Variants in HAP1 observed in about 807,000 individuals in gnomAD.
HAP1 encodes huntingtin-associated protein 1.
Under a neutral mutation model 60.3 loss-of-function variants are expected in HAP1, and 59 were observed. That is an observed-to-expected ratio of 0.98 (90% confidence interval 0.79 to 1.22). The LOEUF (loss-of-function observed/expected upper bound fraction) is 1.22. Among genes scored for constraint, HAP1 ranks in the 50% most tolerant of loss-of-function variants. The probability of loss-of-function intolerance (pLI) is 0.00; values close to 1 mark genes in which losing one functional copy is unlikely to be tolerated. For missense variants in HAP1, 825 were observed against 785.3 expected, an observed-to-expected ratio of 1.05 and a Z score of -0.60; for synonymous variants, 346 against 330.6, an observed-to-expected ratio of 1.05 and a Z score of -0.50.
downstream of HAP1, chr17:41,721,000 C>T (rs1911177977): frequency 1.3e-5 from 2 of 151,892 alleles, no homozygotes; most frequent in South Asian, 4.2e-4. Context: ...GGGGTTTCTC[C>T]ATTGGTCAGG....
At chr17:41,734,123 C>T (rs1365421049) in intron 1 of HAP1, 43 bp downstream of exon 1, 10 of 1,490,100 alleles carry the variant, frequency 6.7e-6, no homozygotes, top group Non-Finnish European at 9.1e-6. Flanking sequence ...CCTGGAGTTG[C>T]CCCAGTCCCC....
intron 6 of HAP1, chr17:41,730,058 A>AGAGAGAG (rs1567783380): frequency 5.7e-5 from 1 of 17,548 alleles, no homozygotes; most frequent in Admixed American, 5.4e-4. Flanking sequence ...AGAGAGAAGG[A>AGAGAGAG]AGAAAAGAAA....
Position 41,723,424 on chromosome 17 carries a change from C to T in HAP1, c.*1277G>A, listed in dbSNP as rs534166708. ...GTGGGCTGGTGACAGACACAGGGTC[C>T]CATTTCAGAGGATGGGAAGGAGGGT... On this transcript the variant is annotated 3_prime_UTR_variant, in exon 11 of 11. Transcript: ENST00000347901. The T allele has an allele frequency of 1.3e-5, 2 of 152,820 alleles. No homozygotes were observed. The highest frequency in any genetic ancestry group is 4.8e-5 in the African/African-American group (2 of 41,554). 9.5% of individuals were successfully genotyped at this position (152,820 alleles called of 1,614,324 possible).
At chr17:41,718,898 A>G (rs531883285), downstream of HAP1, among the ~76,000 whole-genome samples, 26 of 152,252 alleles carry the variant, frequency 1.7e-4, no homozygotes, top group Middle Eastern at 3.4e-3. Context: ...TGAACACAAG[A>G]GTACTGGTTA....
downstream of HAP1, among the ~76,000 whole-genome samples, chr17:41,719,247 G>A (rs1371967545): frequency 6.6e-6 from 1 of 152,068 alleles, no homozygotes; most frequent in Non-Finnish European, 1.5e-5. Context: ...CAAAGTGCTG[G>A]GATTCTCTAG....
At chr17:41,727,024 T>C (rs7211719) in intron 9 of HAP1, 29 bp downstream of exon 9, 41,218 of 1,172,094 alleles carry the variant, frequency 0.035, 1,875 homozygotes, top group African/African-American at 0.2. Context: ...CCATGGCCTA[T>C]GGGGCAAGGG....
Position 41,734,379 on chromosome 17 carries a change from A to G in HAP1, c.256T>C (p.Phe86Leu), listed in dbSNP as rs1597752607. 6.2e-7 allele frequency: 1 copy of G among 1,606,182 alleles called. No homozygotes were observed. The highest frequency in any genetic ancestry group is 8.5e-7 in the Non-Finnish European group (1 of 1,174,678). ...AKAGARRPSAFSAIQGDVRSM... is the reference protein window; with the variant it reads ...AKAGARRPSALSAIQGDVRSM... Reference sequence around the variant, plus strand: ...CGGACATCCCCTTGGATGGCCGAGAATGCGGACGGGCGCCGGGCTCCTGCC... The same window carrying G: ...CGGACATCCCCTTGGATGGCCGAGAGTGCGGACGGGCGCCGGGCTCCTGCC... Residue 86 changes from phenylalanine (F) to leucine (L), a missense_variant, in exon 1 of 11, where the codon TTC becomes CTC. By Grantham distance (22) the Phe-to-Leu change is conservative (BLOSUM62 0). Transcript: ENST00000347901.
rs147253461 is a variant in HAP1 at position 41,728,295 on chromosome 17, A to G, written c.1106T>C (p.Val369Ala). ...ATAGTTTTCCAGCCTGAGCACCAGC[A>G]CCTCCGACAGCTCAGCCATCTGTTG... ...ASQQMAELSE[V>A]LVLRLENYER... is the part of the protein sequence containing the mutation. Residue 369 changes from valine (V) to alanine (A), a missense_variant, in exon 7 of 11, where the codon GTG becomes GCG. Val to Ala is a moderately conservative substitution (Grantham distance 64, BLOSUM62 0). Coordinates refer to ENST00000347901, the MANE Select transcript of HAP1 (RefSeq NM_177977.3). 5,153 of 1,613,478 alleles carry G rather than the reference A, an allele frequency of 3.2e-3. 124 individuals carry two copies. The African/African-American group carries it at 0.058, about 18-fold the overall frequency.
intron 6 of HAP1, chr17:41,730,109 AAAAG>A (rs201497998): frequency 0.1 from 570 of 5,532 alleles, 230 homozygotes; most frequent in Middle Eastern, 0.56. Context: ...AAAAGAAAAG[AAAAG>A]AAAGAAAGAA....
In HAP1 at chr17:41,724,003, T is replaced by C. The variant is rs1368375237; in HGVS notation, c.*698A>G. The stretch of plus-strand genomic sequence containing the variant: ...CTGATGGGAGCTGATGCACGTGCAA[T>C]GGCTGCTGTGCATGAGTGTCACAAG... On this transcript the variant is annotated 3_prime_UTR_variant, in exon 11 of 11. Transcript: ENST00000347901. The C allele has an allele frequency of 6.6e-6, 1 of 152,354 alleles. No individual in the cohort carries two copies. The highest frequency in any genetic ancestry group is 2.4e-5 in the African/African-American group (1 of 41,454). 9.4% of individuals were successfully genotyped at this position (152,354 alleles called of 1,614,324 possible). A position where few individuals can be genotyped will look rare whatever the true frequency, so the allele number is the denominator to read the frequency against.
At chr17:41,728,119 G>A in intron 7 of HAP1, 82 bp downstream of exon 7, 1 of 1,508,696 alleles carries the variant, frequency 6.6e-7, no homozygotes, top group East Asian at 2.3e-5. Flanking sequence ...CTCAGGCCTG[G>A]TGGAGCCGAG....
At chr17:41,726,255 A>T (rs1911615559) in intron 9 of HAP1, among the ~76,000 whole-genome samples, 1 of 152,082 alleles carries the variant, frequency 6.6e-6, no homozygotes, top group Non-Finnish European at 1.5e-5. Context: ...CTCTACTAAA[A>T]ATACAAAAAT....
Position 41,724,343 on chromosome 17 carries a change from A to T in HAP1, c.*358T>A. The stretch of plus-strand genomic sequence containing the variant: ...CCCGGGCTGCTCCACCATCCCACCC[A>T]CCGCCCCCCGTGTTTGTTTTGACTG... On this transcript the variant is annotated 3_prime_UTR_variant, in exon 11 of 11. Coordinates refer to ENST00000347901, the MANE Select transcript of HAP1 (RefSeq NM_177977.3). 6.3e-6 allele frequency: 1 copy of T among 158,536 alleles called. No homozygotes were observed. The highest frequency in any genetic ancestry group is 1.4e-5 in the Non-Finnish European group (1 of 73,226). 9.8% of individuals were successfully genotyped at this position (158,536 alleles called of 1,614,324 possible). A position where few individuals can be genotyped will look rare whatever the true frequency, so the allele number is the denominator to read the frequency against.
At chr17:41,732,539 A>G (rs1912302295) in intron 2 of HAP1, 145 bp from the exon 3 acceptor site, 1 of 993,924 alleles carries the variant, frequency 1.0e-6, no homozygotes, top group South Asian at 1.5e-5. Context: ...AAAGAAGATC[A>G]GACCAGATTG....
At chr17:41,718,496 G>A (rs1911070767), downstream of HAP1, among the ~76,000 whole-genome samples, 1 of 151,992 alleles carries the variant, frequency 6.6e-6, no homozygotes, top group African/African-American at 2.4e-5. Context: ...GCAGAACAAG[G>A]GCTGGGGTTC....
chr17:41,727,180 C>T (rs955217927), intron 8 of HAP1, 36 bp from the exon 9 acceptor site: 5 of 1,092,270 alleles, frequency 4.6e-6, no homozygotes, highest in South Asian at 2.5e-5. Context: ...CAGAGGACCC[C>T]CACAGAACCC....
downstream of HAP1, chr17:41,721,919 CCA>C: frequency 6.6e-6 from 1 of 151,522 alleles, no homozygotes; most frequent in East Asian, 1.9e-4. Flanking sequence ...CTGTTGTTGC[CCA>C]GACTGGAGTG....
intron 6 of HAP1, among the ~76,000 whole-genome samples, chr17:41,729,101 C>A (rs1405779117): frequency 6.6e-6 from 1 of 150,866 alleles, no homozygotes; most frequent in Non-Finnish European, 1.5e-5. Flanking sequence ...CCACCACGCC[C>A]AGTTAATTTT....
chr17:41,730,972 GTGATCTAGGCTCACTGCAAACTC>G (rs1283564300), intron 6 of HAP1, among the ~76,000 whole-genome samples: 5 of 151,338 alleles, frequency 3.3e-5, no homozygotes, highest in African/African-American at 7.3e-5. Context: ...GTGCAGTGGC[GTGATCTAGGCTCACTGCAAACTC>G]TGTCTCCCAG....
Sources: gnomAD v4.1 joint callset for allele counts (sites outside exome capture counted in the v4.1 genomes callset) on GRCh38, gnomAD v4.1.1 for gene constraint, MANE v1.5 for transcripts, NCBI Gene and HGNC (gene_info 2026-07-23, HGNC 2026-07-21) for gene names.